ECT2L: variants seen among roughly 807,000 people sequenced by gnomAD.
ECT2L encodes the protein epithelial cell transforming 2 like.
ECT2L carries 126 observed loss-of-function variants against 122.8 expected under a neutral mutation model. The ratio of observed to expected loss-of-function variants is 1.03; its 90% CI spans 0.89 to 1.19. The LOEUF (loss-of-function observed/expected upper bound fraction) is 1.19, where lower values mean the gene tolerates loss of function less well. Among genes scored for constraint, ECT2L ranks in the 50% most tolerant of loss-of-function variants. The pLI, the probability that ECT2L is intolerant of heterozygous loss-of-function variation, is 0.00. For synonymous variants in ECT2L, 385 were observed against 381.8 expected (o/e 1.01, Z -0.10); for missense variants, 1,012 against 1,064.1 (o/e 0.95, Z 0.68).
intron 4 of ECT2L, chr6:138,823,035 T>G (rs1776320552): frequency 1.2e-6 from 2 of 1,609,232 alleles, no homozygotes; most frequent in East Asian, 2.2e-5. Flanking sequence ...TCTGCCTTTT[T>G]GGGCTGTTAA....
intron 13 of ECT2L, among the ~76,000 whole-genome samples, chr6:138,868,413 T>A (rs1039298846): frequency 4.6e-5 from 7 of 152,044 alleles, no homozygotes; most frequent in Non-Finnish European, 1.0e-4. Flanking sequence ...GAAAATCTTC[T>A]AGGTTATTTA....
chr6:138,868,016 A>AAAAG (rs1562483287), intron 12 of ECT2L, 87 bp from the exon 13 acceptor site: 175 of 701,696 alleles, frequency 2.5e-4, no homozygotes, highest in Non-Finnish European at 3.0e-4. Flanking sequence ...AAAAAAAAAA[A>AAAAG]AAAGAAACTG....
Position 138,881,079 on chromosome 6 carries a change from G to A in ECT2L, c.1788G>A (p.Leu596=). ...TGAGAGATGTTTATGTCGCACCACT[G>A]AAAGCAGCATTGTCATCAAACAGAG... is the stretch of plus-strand genomic sequence containing the variant. ...EIVRDVYVAP[L]KAALSSNRAI... is the part of the protein sequence containing the mutation. Residue 596 remains leucine, a synonymous_variant, in exon 15 of 22, where the codon CTG becomes CTA. Coordinates refer to ENST00000541398, the MANE Select transcript of ECT2L (RefSeq NM_001077706.3). The A allele has an allele frequency of 6.2e-7, 1 of 1,614,172 alleles. No homozygotes were observed. The highest frequency in any genetic ancestry group is 8.5e-7 in the Non-Finnish European group (1 of 1,180,012).
chr6:138,888,308 TTTTC>T (rs1301464707), intron 19 of ECT2L, among the ~76,000 whole-genome samples: 2 of 129,260 alleles, frequency 1.5e-5, no homozygotes, highest in Non-Finnish European at 3.2e-5. Flanking sequence ...ATTCACTTCT[TTTTC>T]TTTTCTTTTT....
At chr6:138,886,457 G>A (rs369622290) in intron 18 of ECT2L, among the ~76,000 whole-genome samples, 5 of 152,052 alleles carry the variant, frequency 3.3e-5, no homozygotes, top group Admixed American at 6.6e-5. Context: ...ACCAAGGCTT[G>A]AGTGTAGTGG....
intron 21 of ECT2L, 35 bp downstream of exon 21, chr6:138,901,155 T>G (rs777137547): frequency 5.0e-6 from 8 of 1,595,210 alleles, no homozygotes; most frequent in Non-Finnish European, 6.9e-6. Flanking sequence ...GACAGATACC[T>G]TCAAAAAGCT....
chr6:138,859,422 T>C (rs1238710882), intron 10 of ECT2L, among the ~76,000 whole-genome samples: 2 of 152,232 alleles, frequency 1.3e-5, no homozygotes, highest in Non-Finnish European at 2.9e-5. Context: ...CAAGGTTATA[T>C]GTAGACGTAT....
At chr6:138,839,312 T>C (rs1776959685) in intron 5 of ECT2L, among the ~76,000 whole-genome samples, 1 of 152,164 alleles carries the variant, frequency 6.6e-6, no homozygotes, top group Non-Finnish European at 1.5e-5. Flanking sequence ...TCTGGCCTCA[T>C]TGTCTCTTCA....
At chr6:138,828,384 T>C (rs951892897) in intron 4 of ECT2L, among the ~76,000 whole-genome samples, 13 of 152,190 alleles carry the variant, frequency 8.5e-5, no homozygotes, top group Middle Eastern at 3.2e-3. Flanking sequence ...TCTTGTAGGG[T>C]TTCCCACAGT....
intron 16 of ECT2L, among the ~76,000 whole-genome samples, chr6:138,883,265 A>G (rs1448005411): frequency 6.6e-6 from 1 of 152,206 alleles, no homozygotes. Flanking sequence ...TGGAAGAACA[A>G]TCAATTTATG....
chr6:138,859,810 C>G (rs1582625106), intron 10 of ECT2L, among the ~76,000 whole-genome samples: 1 of 145,954 alleles, frequency 6.9e-6, no homozygotes. Context: ...AAGCACAGTT[C>G]TTTTTTTTTT....
At chr6:138,858,316 T>C (rs1777692515) in intron 10 of ECT2L, among the ~76,000 whole-genome samples, 1 of 152,172 alleles carries the variant, frequency 6.6e-6, no homozygotes. Context: ...AACCCTTGAT[T>C]GCCTCCCCAG....
intron 4 of ECT2L, among the ~76,000 whole-genome samples, chr6:138,816,475 A>G (rs973481545): frequency 1.3e-5 from 2 of 152,070 alleles, no homozygotes; most frequent in South Asian, 2.1e-4. Flanking sequence ...GAATGTTAGT[A>G]TAAATTTCCT....
chr6:138,891,923 T>A (rs1338594116), intron 20 of ECT2L, among the ~76,000 whole-genome samples: 2 of 152,230 alleles, frequency 1.3e-5, no homozygotes, highest in Non-Finnish European at 1.5e-5. Flanking sequence ...TATGCCTAGA[T>A]GTAGACTTTT....
At chr6:138,864,847 G>C in intron 11 of ECT2L, 149 bp from the exon 12 acceptor site, 1 of 631,100 alleles carries the variant, frequency 1.6e-6, no homozygotes, top group South Asian at 3.3e-5. Context: ...TTTGAAAACA[G>C]AGGATGGGTG....
chr6:138,883,809 C>T (rs1778720152), intron 16 of ECT2L, among the ~76,000 whole-genome samples: 1 of 152,210 alleles, frequency 6.6e-6, no homozygotes, highest in South Asian at 2.1e-4. Flanking sequence ...ATGCCTAGTT[C>T]ACTAGCCCAG....
At chr6:138,815,481 A>G (rs1233388318) in intron 4 of ECT2L, among the ~76,000 whole-genome samples, 1 of 152,214 alleles carries the variant, frequency 6.6e-6, no homozygotes, top group Non-Finnish European at 1.5e-5. Context: ...CCAGCCCTCA[A>G]TGCCAGATAA....
intron 20 of ECT2L, among the ~76,000 whole-genome samples, chr6:138,900,552 C>T (rs1246726018): frequency 1.3e-5 from 2 of 152,140 alleles, no homozygotes; most frequent in Non-Finnish European, 2.9e-5. Context: ...GCCTTGTTAT[C>T]CTTAAAGGTG....
chr6:138,813,720 A>G (rs1372108371), intron 3 of ECT2L, among the ~76,000 whole-genome samples: 1 of 152,050 alleles, frequency 6.6e-6, no homozygotes, highest in African/African-American at 2.4e-5. Flanking sequence ...TGCCAACTGG[A>G]TGGTTCCATG....
Sources: allele counts gnomAD v4.1 joint callset (sites outside exome capture counted in the v4.1 genomes callset), GRCh38; gene constraint gnomAD v4.1.1; transcripts MANE v1.5; gene names NCBI Gene and HGNC (gene_info 2026-07-23, HGNC 2026-07-21).